The following GRPR variants were observed in gnomAD, a reference collection of about 807,000 sequenced individuals.
GRPR encodes the protein gastrin releasing peptide receptor.
In GRPR, 4 loss-of-function variants were observed where a neutral mutation model predicts 15.6. The observed-to-expected ratio is 0.26, with a 90% CI of 0.13 to 0.59. The LOEUF is 0.59. Ranked by LOEUF, GRPR falls within the 20% of genes least tolerant of loss-of-function variation. The probability of loss-of-function intolerance (pLI) is 0.90; values close to 1 mark genes in which losing one functional copy is unlikely to be tolerated. For synonymous variants in GRPR, 128 were observed against 126.8 expected, an observed-to-expected ratio of 1.01 and a Z score of -0.06; for missense variants, 270 against 304.1, an observed-to-expected ratio of 0.89 and a Z score of 0.83.
chrX:16,152,850 T>C lies in GRPR; in HGVS notation c.*205T>C, dbSNP rs1448782836. The C allele has an allele frequency of 2.3e-6, 1 of 433,903 alleles. No homozygotes were observed. The highest frequency in any genetic ancestry group is 4.0e-6 in the Non-Finnish European group (1 of 249,209). 35.8% of individuals were successfully genotyped at this position (433,903 alleles called of 1,213,427 possible). A position where few individuals can be genotyped will look rare whatever the true frequency, so the allele number is the denominator to read the frequency against. ...GTCTTAAGTTTTTCATTTCAACTTG[T>C]GAACGTTTCTTCTGATGTGAAGCAA... On this transcript the variant is annotated 3_prime_UTR_variant, in exon 3 of 3. Coordinates refer to ENST00000380289, the MANE Select transcript of GRPR (RefSeq NM_005314.3).
chrX:16,151,122 G>T (rs918544657), intron 2 of GRPR, among the ~76,000 whole-genome samples: 1 of 111,512 alleles, frequency 9.0e-6, no homozygotes, highest in African/African-American at 3.3e-5. Flanking sequence ...AGTCCAAGCC[G>T]CATGATGTAT....
At position 16,152,771 on chromosome X, in the gene GRPR, G is replaced by T. The variant is rs1922736268; in HGVS notation, c.*126G>T. ...GAATGCTCCTGAGTGGTGTAGGTGG[G>T]GGTGGGGAGGCCCAAATGATGGATC... On this transcript the variant is annotated 3_prime_UTR_variant, in exon 3 of 3. Transcript: ENST00000380289. The T allele has an allele frequency of 1.7e-6, 1 of 583,711 alleles. No homozygotes were observed. The highest frequency in any genetic ancestry group is 2.4e-5 in the Admixed American group (1 of 41,562). 48.1% of individuals were successfully genotyped at this position (583,711 alleles called of 1,213,427 possible). A position where few individuals can be genotyped will look rare whatever the true frequency, so the allele number is the denominator to read the frequency against.
intron 1 of GRPR, among the ~76,000 whole-genome samples, chrX:16,129,900 T>C (rs1922352097): frequency 9.0e-6 from 1 of 111,368 alleles, no homozygotes; most frequent in Non-Finnish European, 1.9e-5. Context: ...CAAACACTGC[T>C]CTAGCCAAAC....
intron 1 of GRPR, among the ~76,000 whole-genome samples, chrX:16,135,916 G>A (rs1922441701): frequency 8.9e-6 from 1 of 112,020 alleles, no homozygotes; most frequent in African/African-American, 3.2e-5. Context: ...ATTTGGCATC[G>A]TTTCTTTCCT....
At chrX:16,135,253 A>G (rs115063693) in intron 1 of GRPR, among the ~76,000 whole-genome samples, 5,863 of 112,006 alleles carry the variant, frequency 0.052, 391 homozygotes, top group African/African-American at 0.18. Flanking sequence ...AGGAGCTACA[A>G]ATGACATTTT....
At chrX:16,144,050 G>C (rs1328463473) in intron 1 of GRPR, among the ~76,000 whole-genome samples, 1 of 111,744 alleles carries the variant, frequency 8.9e-6, no homozygotes, top group African/African-American at 3.3e-5. Flanking sequence ...AGTATATTAA[G>C]AAGAGGTGAA....
intron 1 of GRPR, among the ~76,000 whole-genome samples, chrX:16,148,694 G>A (rs953829703): frequency 3.6e-5 from 4 of 111,607 alleles, no homozygotes; most frequent in African/African-American, 6.5e-5. Flanking sequence ...TGGAGTGTGT[G>A]CAAATCACAG....
Position 16,151,532 on chromosome X carries a change from G to T in GRPR, c.766-724G>T, listed in dbSNP as rs941598793. On this transcript the variant is annotated intron_variant, in intron 2 of 2. Transcript: ENST00000380289. The stretch of plus-strand genomic sequence containing the variant: ...TCTCAGTTGTGGGGGAAGAGTGGCA[G>T]TTTCTAATGAAACTACCTTCCTACT... 6.3e-5 allele frequency among the ~76,000 whole-genome samples: 7 copies of T among 111,780 alleles called. No homozygotes were observed. In the Admixed American group the frequency reaches 6.6e-4, roughly 11 times the overall value.
rs141830984 is a variant in GRPR, at chrX:16,151,508, C to G, written c.766-748C>G. ...TAACGTTCATTATTTATGTATTTGTCTCAGTTGTGGGGGAAGAGTGGCAGT... is the reference window on the plus strand; with the variant it reads ...TAACGTTCATTATTTATGTATTTGTGTCAGTTGTGGGGGAAGAGTGGCAGT... On this transcript the variant is annotated intron_variant, in intron 2 of 2. Coordinates refer to ENST00000380289, the MANE Select transcript of GRPR (RefSeq NM_005314.3). Among the ~76,000 whole-genome samples the G allele has an allele frequency of 2.6e-3, 288 of 111,939 alleles. 1 individual carries two copies. Among genetic ancestry groups the G allele is most frequent in the African/African-American group, 8.5e-3 (263 of 30,797 alleles).
chrX:16,125,908 G>C (rs758610287), intron 1 of GRPR, among the ~76,000 whole-genome samples: 1 of 111,622 alleles, frequency 9.0e-6, no homozygotes, highest in East Asian at 2.8e-4. Flanking sequence ...ACCAATGGCC[G>C]AGGGCTCTTC....
At chrX:16,151,184 C>T (rs1922694846) in intron 2 of GRPR, among the ~76,000 whole-genome samples, 1 of 112,024 alleles carries the variant, frequency 8.9e-6, no homozygotes, top group Admixed American at 9.4e-5. Flanking sequence ...CTTATAATCC[C>T]TACATTGTAA....
chrX:16,129,032 C>T, intron 1 of GRPR, among the ~76,000 whole-genome samples: 1 of 112,032 alleles, frequency 8.9e-6, no homozygotes, highest in East Asian at 2.8e-4. Flanking sequence ...TGCTTCAGTG[C>T]CATTATTCAG....
intron 1 of GRPR, among the ~76,000 whole-genome samples, chrX:16,128,383 C>T (rs1344532308): frequency 9.0e-6 from 1 of 110,642 alleles, no homozygotes; most frequent in Non-Finnish European, 1.9e-5. Context: ...GGTGTGGTGG[C>T]AGGAGCCTGT....
At chrX:16,142,326 C>T (rs1922541153) in intron 1 of GRPR, among the ~76,000 whole-genome samples, 1 of 111,739 alleles carries the variant, frequency 8.9e-6, no homozygotes, top group Non-Finnish European at 1.9e-5. Context: ...ATGTTTTCTC[C>T]CTGACTTGTT....
At chrX:16,143,413 G>A (rs766236882) in intron 1 of GRPR, among the ~76,000 whole-genome samples, 4 of 112,826 alleles carry the variant, frequency 3.5e-5, no homozygotes, top group East Asian at 5.5e-4. Context: ...TGGTGCTCAC[G>A]CACAAATTAA....
intron 1 of GRPR, among the ~76,000 whole-genome samples, chrX:16,136,562 T>C (rs1024751902): frequency 2.7e-5 from 3 of 112,249 alleles, no homozygotes; most frequent in Non-Finnish European, 5.6e-5. Flanking sequence ...GTCTTCATTA[T>C]CACAAATTAA....
chrX:16,136,598 A>G, intron 1 of GRPR, among the ~76,000 whole-genome samples: 1 of 112,138 alleles, frequency 8.9e-6, no homozygotes, highest in Admixed American at 9.4e-5. Flanking sequence ...GTGCTGTGTG[A>G]GATGGAAAAT....
In GRPR at chrX:16,137,894, A is replaced by G. The variant is rs972912635; in HGVS notation, c.414-12411A>G. Among the ~76,000 whole-genome samples, 7 of 111,656 alleles carry G rather than the reference A, an allele frequency of 6.3e-5. No individual in the cohort carries two copies. In the Admixed American group the frequency reaches 6.6e-4, roughly 11 times the overall value. ...TTAGTTTTAGTCATTTATTTATTTCATAAATAAAGTAGGCAGAAAATGAAC... is the reference window on the plus strand; with the variant it reads ...TTAGTTTTAGTCATTTATTTATTTCGTAAATAAAGTAGGCAGAAAATGAAC... On this transcript the variant is annotated intron_variant, in intron 1 of 2. Coordinates refer to ENST00000380289, the MANE Select transcript of GRPR (RefSeq NM_005314.3).
chrX:16,151,857 T>C (rs1222324398), intron 2 of GRPR, among the ~76,000 whole-genome samples: 1 of 112,159 alleles, frequency 8.9e-6, no homozygotes, highest in East Asian at 2.8e-4. Flanking sequence ...GTATGGCTGA[T>C]AAACTGCACC....
Sources: gnomAD v4.1 joint callset for allele counts (sites outside exome capture counted in the v4.1 genomes callset) on GRCh38, gnomAD v4.1.1 for gene constraint, MANE v1.5 for transcripts, NCBI Gene and HGNC (gene_info 2026-07-23, HGNC 2026-07-21) for gene names.